SI: variants seen among roughly 807,000 people sequenced by gnomAD.
SI encodes sucrase-isomaltase, also known as sucrase-isomaltase, intestinal.
In SI, 235 loss-of-function variants were observed where a neutral mutation model predicts 253.3. That is an observed-to-expected ratio of 0.93 (90% CI 0.83 to 1.03). The LOEUF (loss-of-function observed/expected upper bound fraction) is 1.03, where lower values mean the gene tolerates loss of function less well. SI is among the 50% of genes least tolerant of loss of function. The pLI is 0.00. For synonymous variants in SI, 819 were observed against 712.0 expected (o/e 1.15, Z -2.39); for missense variants, 2,442 against 2,211.1 (o/e 1.10, Z -2.09).
In SI at chr3:165,049,660, TAAAC is replaced by T; in HGVS notation, c.1597+127_1597+130del. The T allele has an allele frequency of 4.7e-6, 3 of 634,726 alleles. No homozygotes were observed. In the South Asian group the frequency reaches 5.8e-5, roughly 12 times the overall value. 39.3% of individuals were successfully genotyped at this position (634,726 alleles called of 1,614,324 possible). A position where few individuals can be genotyped will look rare whatever the true frequency, so the allele number is the denominator to read the frequency against. ...AGAAAATATTTGTCTGAAGAAAAGA[TAAAC>T]AAATTGATTTTATGGTTTTAGAACT... On this transcript the variant is annotated intron_variant, in intron 14 of 47. Transcript: ENST00000264382.
At chr3:165,067,646 G>A (rs935584630) in intron 5 of SI, among the ~76,000 whole-genome samples, 155 bp from the exon 6 acceptor site, 2 of 151,888 alleles carry the variant, frequency 1.3e-5, no homozygotes, top group African/African-American at 4.8e-5. Flanking sequence ...TAATATTTTT[G>A]AATGGCTATG....
rs1175823277 is a variant in SI, at chr3:165,043,128, A to G, written c.1935T>C (p.Leu645=). The change falls in exon 17 of 48, where the codon CTT becomes CTC. Residue 645 remains leucine, a synonymous_variant. Transcript: ENST00000264382. The stretch of plus-strand genomic sequence containing the variant: ...CCCCAAGTTGCATCCATCTTCTGCA[A>G]AGTTCTTCTGTGGTTTCAGCCACAA... ...CGFVAETTEE[L]CRRWMQLGAF... 4 of 1,612,760 alleles carry G rather than the reference A, an allele frequency of 2.5e-6. No individual in the cohort carries two copies. The highest frequency in any genetic ancestry group is 1.3e-5 in the African/African-American group (1 of 74,980).
upstream of SI, among the ~76,000 whole-genome samples, chr3:165,080,462 T>C (rs1422712901): frequency 2.0e-5 from 3 of 152,074 alleles, no homozygotes; most frequent in Admixed American, 6.6e-5. Flanking sequence ...TGTATGTTTA[T>C]TGTGGCACTA....
chr3:165,004,571 T>G (rs1051663829), intron 37 of SI, among the ~76,000 whole-genome samples: 1 of 152,054 alleles, frequency 6.6e-6, no homozygotes, highest in African/African-American at 2.4e-5. Flanking sequence ...TTAGATAAAG[T>G]AAATATGGTA....
At chr3:165,024,679 A>G (rs1402300711) in intron 25 of SI, among the ~76,000 whole-genome samples, 11 of 151,300 alleles carry the variant, frequency 7.3e-5, no homozygotes, top group Admixed American at 6.6e-4. Context: ...TCTTGCATCA[A>G]TAATATTTCA....
intron 40 of SI, among the ~76,000 whole-genome samples, 158 bp from the exon 41 acceptor site, chr3:164,994,563 A>G (rs79921167): frequency 0.01 from 1,575 of 151,902 alleles, 9 homozygotes; most frequent in South Asian, 0.027. Context: ...TAATATTTCT[A>G]TCACATGATA....
At chr3:164,999,930 C>T (rs1718184318) in intron 37 of SI, among the ~76,000 whole-genome samples, 1 of 151,406 alleles carries the variant, frequency 6.6e-6, no homozygotes, top group Non-Finnish European at 1.5e-5. Context: ...AGAAAATGAT[C>T]TTCACTGCTT....
rs1470649141 is a variant in SI, at chr3:165,033,450, A to T, written c.2516-6T>A. ...GTTGCCATTTTGTATTGTATCTGAA[A>T]TGAAAAATATCGTGATCAGTACAAA... On this transcript the variant is annotated splice_region_variant and splice_polypyrimidine_tract_variant and intron_variant, in intron 22 of 47. Coordinates refer to ENST00000264382, the MANE Select transcript of SI (RefSeq NM_001041.4). 1 of 1,535,138 alleles carries T rather than the reference A, an allele frequency of 6.5e-7. No individual in the cohort carries two copies. Among genetic ancestry groups the T allele is most frequent in the East Asian group, 2.4e-5 (1 of 42,026 alleles).
Position 165,056,626 on chromosome 3 carries a change from G to A in SI, c.1399-1319C>T, listed in dbSNP as rs113143426. Among the ~76,000 whole-genome samples the A allele has an allele frequency of 2.4e-3, 372 of 152,224 alleles. 1 individual carries two copies. The highest frequency in any genetic ancestry group is 8.1e-3 in the South Asian group (39 of 4,818). On this transcript the variant is annotated intron_variant, in intron 12 of 47. Transcript: ENST00000264382. Reference sequence around the variant, plus strand: ...CTGAAGGGAGAGCAAAGTGATTGTGGTCTTTTGCATTGGAGCTCAGTATTG... The same window carrying A: ...CTGAAGGGAGAGCAAAGTGATTGTGATCTTTTGCATTGGAGCTCAGTATTG...
chr3:164,992,437 A>T, intron 41 of SI, 40 bp from the exon 42 acceptor site: 1 of 1,324,102 alleles, frequency 7.6e-7, no homozygotes. Context: ...TAAAACAAAT[A>T]ACTTTCTTCT....
chr3:165,087,193 T>C, the SI span, among the ~76,000 whole-genome samples: 1 of 152,052 alleles, frequency 6.6e-6, no homozygotes, highest in East Asian at 1.9e-4. Context: ...AAATATGTTT[T>C]GGACCTGGAC....
At chr3:165,088,667 T>C in the SI span, among the ~76,000 whole-genome samples, 1 of 151,566 alleles carries the variant, frequency 6.6e-6, no homozygotes, top group Non-Finnish European at 1.5e-5. Context: ...AAATAATAAA[T>C]ACACTTAAAA....
At chr3:164,990,620 C>A (rs889017233) in intron 44 of SI, among the ~76,000 whole-genome samples, 3 of 151,922 alleles carry the variant, frequency 2.0e-5, no homozygotes, top group African/African-American at 7.3e-5. Flanking sequence ...AGCTGGAAAC[C>A]ATCATTCTCA....
At chr3:164,988,672 G>C (rs1200389761) in intron 44 of SI, among the ~76,000 whole-genome samples, 1 of 152,132 alleles carries the variant, frequency 6.6e-6, no homozygotes, top group Non-Finnish European at 1.5e-5. Flanking sequence ...ATCACCAAGA[G>C]AGATGATATA....
intron 17 of SI, among the ~76,000 whole-genome samples, chr3:165,041,562 A>G (rs531538435): frequency 2.9e-4 from 44 of 152,064 alleles, no homozygotes; most frequent in Non-Finnish European, 5.9e-4. Flanking sequence ...GGGCTTGCCT[A>G]AGGACTTACT....
chr3:165,065,464 A>AATAT lies in SI; in HGVS notation c.636-36_636-33dup, dbSNP rs66946322. 271 of 209,616 alleles carry AATAT rather than the reference A, an allele frequency of 1.3e-3. 17 individuals are homozygous for AATAT. The highest frequency in any genetic ancestry group is 3.9e-3 in the African/African-American group (92 of 23,642). The allele number at this position is 209,616 out of a possible 1,614,324, so 13.0% of individuals were successfully genotyped here. On this transcript the variant is annotated intron_variant, in intron 6 of 47. Coordinates refer to ENST00000264382, the MANE Select transcript of SI (RefSeq NM_001041.4). Reference sequence around the variant, plus strand: ...CATAAAAGAAATAAAGAAATAATCTAATATATATATATATATATATATATA... The same window carrying AATAT: ...CATAAAAGAAATAAAGAAATAATCTAATATATATATATATATATATATATATATA...
intron 33 of SI, among the ~76,000 whole-genome samples, chr3:165,013,481 A>G (rs1422874532): frequency 6.6e-6 from 1 of 152,136 alleles, no homozygotes; most frequent in Non-Finnish European, 1.5e-5. Context: ...GCTGAATCAA[A>G]CATCCCAGTG....
intron 45 of SI, among the ~76,000 whole-genome samples, chr3:164,984,386 T>C (rs948086400): frequency 2.6e-5 from 4 of 152,160 alleles, no homozygotes; most frequent in Non-Finnish European, 4.4e-5. Flanking sequence ...GTATGGCTAA[T>C]TTAATATGTA....
upstream of SI, among the ~76,000 whole-genome samples, chr3:165,082,194 C>T (rs922081008): frequency 6.6e-6 from 1 of 151,938 alleles, no homozygotes; most frequent in Non-Finnish European, 1.5e-5. Context: ...GATATCTTTA[C>T]ATCTCCCCAA....
Sources: gnomAD v4.1 joint callset for allele counts (sites outside exome capture counted in the v4.1 genomes callset) on GRCh38, gnomAD v4.1.1 for gene constraint, MANE v1.5 for transcripts, NCBI Gene and HGNC (gene_info 2026-07-23, HGNC 2026-07-21) for gene names.